The following BOP1 variants were observed in gnomAD, a reference collection of about 807,000 sequenced individuals.
BOP1 encodes BOP1 ribosomal biogenesis factor.
BOP1 carries 54 observed loss-of-function variants against 82.9 expected under a neutral mutation model. The ratio of observed to expected loss-of-function variants is 0.65; its 90% CI spans 0.52 to 0.82. The LOEUF (loss-of-function observed/expected upper bound fraction) is 0.82. BOP1 is among the 40% of genes least tolerant of loss of function. The pLI, the probability that BOP1 is intolerant of heterozygous loss-of-function variation, is 0.00. For synonymous variants in BOP1, 566 were observed against 451.1 expected (o/e 1.25, Z -3.23); for missense variants, 1,170 against 1,072.0 (o/e 1.09, Z -1.28).
At chr8:144,276,735 C>T (rs895558330) in intron 2 of BOP1, among the ~76,000 whole-genome samples, 1 of 152,238 alleles carries the variant, frequency 6.6e-6, no homozygotes, top group African/African-American at 2.4e-5. Flanking sequence ...GGGACGGGGG[C>T]AGCATGGTCG....
intron 3 of BOP1, among the ~76,000 whole-genome samples, chr8:144,269,429 G>C (rs950165893): frequency 2.6e-5 from 4 of 152,362 alleles, no homozygotes; most frequent in African/African-American, 9.6e-5. Context: ...TGTGGCCCAC[G>C]TGGGCATCGG....
chr8:144,266,471 G>C (rs1274463900), intron 3 of BOP1: 311 of 982,450 alleles, frequency 3.2e-4, no homozygotes, highest in Middle Eastern at 3.1e-3. Flanking sequence ...ACGCACATGT[G>C]CGCGCGACGC....
chr8:144,289,496 C>T (rs1814973584), intron 1 of BOP1, among the ~76,000 whole-genome samples, 192 bp from the exon 2 acceptor site: 1 of 152,260 alleles, frequency 6.6e-6, no homozygotes, highest in Non-Finnish European at 1.5e-5. Flanking sequence ...TCTTCTACCT[C>T]CACTGACAAG....
At chr8:144,286,420 G>C (rs1478392763) in intron 2 of BOP1, among the ~76,000 whole-genome samples, 8 of 106,954 alleles carry the variant, frequency 7.5e-5, no homozygotes, top group African/African-American at 2.0e-4. Context: ...GCAGGGCCTC[G>C]GCCCCTCAGC....
chr8:144,279,790 C>T (rs1227401116), intron 2 of BOP1, among the ~76,000 whole-genome samples: 1 of 152,198 alleles, frequency 6.6e-6, no homozygotes, highest in Non-Finnish European at 1.5e-5. Flanking sequence ...TGTGGCTCTG[C>T]CTGGCACAGG....
At chr8:144,284,448 C>T (rs1000997318) in intron 2 of BOP1, among the ~76,000 whole-genome samples, 18 of 152,188 alleles carry the variant, frequency 1.2e-4, no homozygotes, top group Admixed American at 7.9e-4. Context: ...CTGTTGAGGC[C>T]GAGCTGCCAG....
chr8:144,280,065 AACTCTG>A (rs1554838734), intron 2 of BOP1, among the ~76,000 whole-genome samples: 1 of 152,070 alleles, frequency 6.6e-6, no homozygotes, highest in African/African-American at 2.4e-5. Context: ...TTTCGGCCTG[AACTCTG>A]ACCCCTCGAA....
At chr8:144,267,024 C>T in intron 3 of BOP1, 2 of 1,518,424 alleles carry the variant, frequency 1.3e-6, no homozygotes, top group Non-Finnish European at 1.8e-6. Flanking sequence ...GCGAGGCCTG[C>T]GGCGACGGAC....
At chr8:144,269,318 G>A (rs1845451605) in intron 3 of BOP1, among the ~76,000 whole-genome samples, 2 of 152,240 alleles carry the variant, frequency 1.3e-5, no homozygotes, top group South Asian at 4.1e-4. Flanking sequence ...CGGCTGGGTG[G>A]ACAATGGCTG....
At position 144,263,358 on chromosome 8, in the gene BOP1, G is replaced by T; in HGVS notation, c.1468C>A (p.Leu490Met). 6.3e-7 allele frequency: 1 copy of T among 1,596,814 alleles called. No individual in the cohort carries two copies. Among genetic ancestry groups the T allele is most frequent in the Non-Finnish European group, 8.5e-7 (1 of 1,179,502 alleles). Residue 490 changes from leucine to methionine, a missense_variant, in exon 12 of 16, where the codon CTG becomes ATG. By Grantham distance (15) the Leu-to-Met change is conservative. Coordinates refer to ENST00000569669, the MANE Select transcript of BOP1 (RefSeq NM_015201.5). ...AGCTGATCTGTGCTGCCCGCCACCA[G>T]CCGGTCCCCCAGAGCTGGGTTCAGC... ...LLLNPALGDR[L>M]VAGSTDQLLS... is the part of the protein sequence containing the mutation.
intron 3 of BOP1, among the ~76,000 whole-genome samples, chr8:144,272,571 C>A (rs1845508069): frequency 6.6e-6 from 1 of 152,156 alleles, no homozygotes; most frequent in African/African-American, 2.4e-5. Flanking sequence ...CTGTAGAGCA[C>A]CCCCCGCTGC....
intron 2 of BOP1, among the ~76,000 whole-genome samples, chr8:144,288,427 C>T (rs1814942565): frequency 6.7e-6 from 1 of 150,296 alleles, no homozygotes; most frequent in African/African-American, 2.4e-5. Context: ...ACTAGAGAGG[C>T]TGAGGCAGGA....
intron 6 of BOP1, 21 bp downstream of exon 6, chr8:144,264,494 C>T: frequency 6.2e-7 from 1 of 1,609,128 alleles, no homozygotes; most frequent in Admixed American, 1.7e-5. Context: ...CAGGCCAAGC[C>T]CCAGGGGCTG....
At chr8:144,267,837 A>G (rs1334253935) in intron 3 of BOP1, among the ~76,000 whole-genome samples, 2 of 152,318 alleles carry the variant, frequency 1.3e-5, no homozygotes, top group Admixed American at 6.5e-5. Flanking sequence ...GGGAGAAAAT[A>G]CGGCACGGCT....
intron 3 of BOP1, among the ~76,000 whole-genome samples, chr8:144,275,409 A>G (rs1845553363): frequency 6.6e-6 from 1 of 152,030 alleles, no homozygotes; most frequent in Non-Finnish European, 1.5e-5. Flanking sequence ...TCTTGGACAC[A>G]GCCCAGTGCC....
In BOP1 at chr8:144,264,349, G is replaced by T; in HGVS notation, c.854C>A (p.Ala285Asp). Residue 285 changes from alanine to aspartate, a missense_variant, in exon 7 of 16, where the codon GCC becomes GAC. By Grantham distance (126) the Ala-to-Asp change is moderately radical. Coordinates refer to ENST00000569669, the MANE Select transcript of BOP1 (RefSeq NM_015201.5). ...DPTPSFYDLW[A>D]QEDPNAVLGR... ...GAGCACGGCGTTGGGGTCCTCCTGG[G>T]CCCACAGGTCATAGAAGCTGGGGGT... The T allele has an allele frequency of 6.2e-7, 1 of 1,607,386 alleles. No individual in the cohort carries two copies.
chr8:144,289,050 C>T (rs1814960182), intron 2 of BOP1, 45 bp downstream of exon 2: 1 of 1,604,822 alleles, frequency 6.2e-7, no homozygotes, highest in Non-Finnish European at 8.5e-7. Flanking sequence ...CCAAGGCCAC[C>T]TGCACATGGG....
intron 3 of BOP1, among the ~76,000 whole-genome samples, chr8:144,267,602 C>T (rs1845406876): frequency 6.6e-6 from 1 of 152,272 alleles, no homozygotes; most frequent in Non-Finnish European, 1.5e-5. Flanking sequence ...TGCGGCCCAG[C>T]ACTGGCTTAA....
At chr8:144,270,237 G>A (rs1845470313) in intron 3 of BOP1, among the ~76,000 whole-genome samples, 1 of 152,224 alleles carries the variant, frequency 6.6e-6, no homozygotes, top group African/African-American at 2.4e-5. Flanking sequence ...AGGCCAGACA[G>A]GAGCAGGTGG....
Sources: gnomAD v4.1 joint callset for allele counts (sites outside exome capture counted in the v4.1 genomes callset) on GRCh38, gnomAD v4.1.1 for gene constraint, MANE v1.5 for transcripts, NCBI Gene and HGNC (gene_info 2026-07-23, HGNC 2026-07-21) for gene names.